Variants in NKAIN3 observed in about 807,000 individuals in gnomAD.
NKAIN3 encodes the protein sodium/potassium transporting ATPase interacting 3, also known as sodium/potassium-transporting ATPase subunit beta-1-interacting protein 3.
A neutral mutation model predicts 30.2 loss-of-function variants in NKAIN3; 25 were observed. The ratio of observed to expected loss-of-function variants is 0.83; its 90% CI spans 0.60 to 1.16. NKAIN3 has a LOEUF of 1.16. NKAIN3 is among the 50% of genes most tolerant of loss of function. NKAIN3 has a pLI of 0.00. For synonymous variants in NKAIN3, 91 were observed against 89.6 expected (o/e 1.02, Z -0.09); for missense variants, 225 against 254.1 (o/e 0.89, Z 0.78).
chr8:62,806,645 G>A (rs1563571459), intron 4 of NKAIN3, among the ~76,000 whole-genome samples: 1 of 151,936 alleles, frequency 6.6e-6, no homozygotes, highest in East Asian at 1.9e-4. Flanking sequence ...CACACTCTGG[G>A]TACTGTTGTG....
intron 1 of NKAIN3, among the ~76,000 whole-genome samples, chr8:62,530,045 A>T (rs1808439585): frequency 6.6e-6 from 1 of 152,156 alleles, no homozygotes; most frequent in African/African-American, 2.4e-5. Flanking sequence ...ACCCAATTCA[A>T]AAAAGTTTGA....
chr8:62,480,019 T>A (rs964548253), intron 1 of NKAIN3, among the ~76,000 whole-genome samples: 1 of 152,202 alleles, frequency 6.6e-6, no homozygotes, highest in Non-Finnish European at 1.5e-5. Flanking sequence ...GAACACTTTG[T>A]TTTTATATAG....
At chr8:62,581,018 G>T (rs939527181) in intron 2 of NKAIN3, among the ~76,000 whole-genome samples, 4 of 149,866 alleles carry the variant, frequency 2.7e-5, no homozygotes, top group Admixed American at 6.7e-5. Flanking sequence ...CAGGAGGATC[G>T]CTTGAACCCA....
chr8:62,391,249 G>T (rs1293687650), intron 1 of NKAIN3, among the ~76,000 whole-genome samples: 1 of 152,050 alleles, frequency 6.6e-6, no homozygotes, highest in East Asian at 1.9e-4. Flanking sequence ...CTTATCTTTG[G>T]TATCCTGGGA....
intron 1 of NKAIN3, among the ~76,000 whole-genome samples, chr8:62,484,553 A>C (rs890335618): frequency 1.7e-4 from 26 of 152,124 alleles, no homozygotes; most frequent in Non-Finnish European, 2.8e-4. Flanking sequence ...TCAGAGCTGA[A>C]TTTTCTGAGT....
chr8:62,471,303 C>G (rs940740041), intron 1 of NKAIN3, among the ~76,000 whole-genome samples: 1 of 150,352 alleles, frequency 6.7e-6, no homozygotes, highest in Non-Finnish European at 1.5e-5. Context: ...ATTTACTTCT[C>G]TAAAAAAAAA....
chr8:62,497,857 G>T (rs1807290778), intron 1 of NKAIN3, among the ~76,000 whole-genome samples: 1 of 152,030 alleles, frequency 6.6e-6, no homozygotes, highest in African/African-American at 2.4e-5. Flanking sequence ...TTGCCAGGTT[G>T]GGTTTATAAG....
At chr8:62,816,083 T>A (rs1240521319) in intron 4 of NKAIN3, among the ~76,000 whole-genome samples, 1 of 152,156 alleles carries the variant, frequency 6.6e-6, no homozygotes, top group Non-Finnish European at 1.5e-5. Flanking sequence ...GAGAGTGTCA[T>A]GTTTCCTTGC....
chr8:62,296,128 G>A (rs1408153794), intron 1 of NKAIN3, among the ~76,000 whole-genome samples: 1 of 152,128 alleles, frequency 6.6e-6, no homozygotes, highest in African/African-American at 2.4e-5. Context: ...AACTCTTTTT[G>A]TGTTTGGAGA....
At chr8:62,735,146 T>A (rs532732377) in intron 3 of NKAIN3, among the ~76,000 whole-genome samples, 7 of 152,320 alleles carry the variant, frequency 4.6e-5, no homozygotes, top group African/African-American at 1.4e-4. Flanking sequence ...GATGTCTAGA[T>A]CTCTAGCAAA....
chr8:62,920,103 T>C (rs909774670), intron 5 of NKAIN3, among the ~76,000 whole-genome samples: 2 of 152,164 alleles, frequency 1.3e-5, no homozygotes, highest in Non-Finnish European at 2.9e-5. Context: ...TAAGACAGGC[T>C]GCACAGCCAA....
rs6472063 is a variant in NKAIN3, at chr8:62,970,931, T to C, written c.*5524T>C. On this transcript the variant is annotated 3_prime_UTR_variant, in exon 7 of 7. Transcript: ENST00000623646. ...TTAGTCTATATTAGTTAGGATTAGGTTTACCTACAAGTAACAGAAAAAGAA... is the reference window on the plus strand; with the variant it reads ...TTAGTCTATATTAGTTAGGATTAGGCTTACCTACAAGTAACAGAAAAAGAA... Among the ~76,000 whole-genome samples, 15,649 of 152,262 alleles carry C rather than the reference T, an allele frequency of 0.1. 870 individuals carry two copies. The highest frequency in any genetic ancestry group is 0.16 in the African/African-American group (6,458 of 41,542).
chr8:62,989,983 CA>C (rs1197686624), intron 5 of NKAIN3, among the ~76,000 whole-genome samples: 1 of 152,106 alleles, frequency 6.6e-6, no homozygotes, highest in Non-Finnish European at 1.5e-5. Context: ...GCCCTGCACA[CA>C]AAGGTAAGTG....
intron 3 of NKAIN3, among the ~76,000 whole-genome samples, chr8:62,609,763 G>A (rs1003405513): frequency 2.6e-5 from 4 of 152,130 alleles, no homozygotes; most frequent in African/African-American, 9.7e-5. Flanking sequence ...ATGGGGGAAT[G>A]CCAAGTCTCC....
chr8:62,727,850 T>A (rs1815310443), intron 3 of NKAIN3, among the ~76,000 whole-genome samples: 1 of 152,184 alleles, frequency 6.6e-6, no homozygotes, highest in Non-Finnish European at 1.5e-5. Flanking sequence ...TCTTTCTTTG[T>A]TTTTTACTTA....
chr8:62,707,045 T>TCATA (rs199988399), intron 3 of NKAIN3, among the ~76,000 whole-genome samples: 1 of 140,774 alleles, frequency 7.1e-6, no homozygotes, highest in Admixed American at 7.7e-5. Context: ...TAGTATTCCA[T>TCATA]CATACATACA....
intron 4 of NKAIN3, among the ~76,000 whole-genome samples, chr8:62,818,358 A>C (rs542587196): frequency 6.6e-6 from 1 of 152,176 alleles, no homozygotes; most frequent in African/African-American, 2.4e-5. Context: ...TACAAATATC[A>C]AATTGCTTTT....
At chr8:62,287,999 T>A (rs1369360460) in intron 1 of NKAIN3, among the ~76,000 whole-genome samples, 1 of 152,212 alleles carries the variant, frequency 6.6e-6, no homozygotes, top group African/African-American at 2.4e-5. Context: ...CTCTTCTTTC[T>A]ACCTTCACCT....
At chr8:62,497,925 T>C (rs748816318) in intron 1 of NKAIN3, among the ~76,000 whole-genome samples, 21 of 152,154 alleles carry the variant, frequency 1.4e-4, no homozygotes, top group Non-Finnish European at 2.6e-4. Context: ...TCTGAAGTGA[T>C]TGAGTGGTTA....
Sources: allele counts gnomAD v4.1 joint callset (sites outside exome capture counted in the v4.1 genomes callset), GRCh38; gene constraint gnomAD v4.1.1; transcripts MANE v1.5; gene names NCBI Gene and HGNC (gene_info 2026-07-23, HGNC 2026-07-21).